The following CAMSAP2 variants were observed in gnomAD, a reference collection of about 807,000 sequenced individuals.
The protein encoded by CAMSAP2 is calmodulin-regulated spectrin-associated protein 2.
CAMSAP2 carries 26 observed loss-of-function variants against 146.1 expected under a neutral mutation model. The observed-to-expected ratio is 0.18, with a 90% CI of 0.13 to 0.25. The LOEUF (loss-of-function observed/expected upper bound fraction) is 0.25. CAMSAP2 is among the 10% of genes least tolerant of loss of function. The pLI, the probability that CAMSAP2 is intolerant of heterozygous loss-of-function variation, is 1.00. For missense variants in CAMSAP2, 1,381 were observed against 1,759.3 expected (o/e 0.78, Z 3.85); for synonymous variants, 499 against 596.6 (o/e 0.84, Z 2.38).
intron 2 of CAMSAP2, among the ~76,000 whole-genome samples, chr1:200,804,894 A>G (rs1054955662): frequency 6.6e-6 from 1 of 152,176 alleles, no homozygotes; most frequent in Non-Finnish European, 1.5e-5. Context: ...TTTGCTTTGC[A>G]ACAAAATGAC....
At chr1:200,836,924 C>T (rs550154484) in intron 6 of CAMSAP2, among the ~76,000 whole-genome samples, 1 of 152,108 alleles carries the variant, frequency 6.6e-6, no homozygotes, top group South Asian at 2.1e-4. Flanking sequence ...TGTCCTTTGC[C>T]CACTTCTTAA....
At chr1:200,790,129 A>G (rs1358600482) in intron 2 of CAMSAP2, among the ~76,000 whole-genome samples, 1 of 152,140 alleles carries the variant, frequency 6.6e-6, no homozygotes, top group East Asian at 1.9e-4. Context: ...AATGTTTCTC[A>G]GGTTTTTTTC....
At position 200,841,538 on chromosome 1, in the gene CAMSAP2, G is replaced by A. The variant is rs185166733; in HGVS notation, c.928-456G>A. ...TGGGGTTACAGGCGTGAGTCACCAC[G>A]CCCGGCCAAATAAAGTATTTTTTTA... On this transcript the variant is annotated intron_variant, in intron 6 of 16. Coordinates refer to ENST00000358823, the MANE Select transcript of CAMSAP2 (RefSeq NM_203459.4). 3.9e-4 allele frequency among the ~76,000 whole-genome samples: 60 copies of A among 152,196 alleles called. No individual in the cohort carries two copies. The East Asian group carries it at 8.9e-3, about 23-fold the overall frequency.
At position 200,856,134 on chromosome 1, in the gene CAMSAP2, CTA is replaced by C. The variant is rs765272320; in HGVS notation, c.4012+12_4012+13del. On this transcript the variant is annotated intron_variant, in intron 15 of 16. Coordinates refer to ENST00000358823, the MANE Select transcript of CAMSAP2 (RefSeq NM_203459.4). ...TGGAACAGAATATACAGGTTAGTGT[CTA>C]TACATTTTTAGAGAAACATTTGAAT... The C allele has an allele frequency of 1.9e-6, 3 of 1,549,286 alleles. No individual in the cohort carries two copies. In the South Asian group the frequency reaches 3.4e-5, roughly 18 times the overall value.
At chr1:200,798,963 A>T (rs1665962475) in intron 2 of CAMSAP2, among the ~76,000 whole-genome samples, 1 of 151,934 alleles carries the variant, frequency 6.6e-6, no homozygotes, top group Non-Finnish European at 1.5e-5. Flanking sequence ...TATATGCTGG[A>T]TTACATTTAT....
chr1:200,843,201 C>T (rs1446232353), intron 7 of CAMSAP2, among the ~76,000 whole-genome samples: 1 of 152,146 alleles, frequency 6.6e-6, no homozygotes, highest in East Asian at 1.9e-4. Flanking sequence ...TTTGTAACTG[C>T]TACCGTTACC....
At chr1:200,841,454 G>T (rs1373499305) in intron 6 of CAMSAP2, among the ~76,000 whole-genome samples, 1 of 152,084 alleles carries the variant, frequency 6.6e-6, no homozygotes, top group Non-Finnish European at 1.5e-5. Context: ...CACCTTGTTG[G>T]CCAGGCTGGT....
chr1:200,777,744 T>C (rs1466503285), intron 2 of CAMSAP2, among the ~76,000 whole-genome samples: 1 of 152,190 alleles, frequency 6.6e-6, no homozygotes, highest in East Asian at 1.9e-4. Flanking sequence ...GTGCATATAT[T>C]CTGTAATATA....
At chr1:200,746,632 T>C (rs1664333992) in intron 1 of CAMSAP2, among the ~76,000 whole-genome samples, 1 of 151,992 alleles carries the variant, frequency 6.6e-6, no homozygotes, top group East Asian at 1.9e-4. Flanking sequence ...TTTTTTTTTT[T>C]TTTTGAGACG....
chr1:200,781,879 GT>G (rs922407370), intron 2 of CAMSAP2, among the ~76,000 whole-genome samples: 1 of 151,844 alleles, frequency 6.6e-6, no homozygotes, highest in Non-Finnish European at 1.5e-5. Flanking sequence ...GATAGTTACT[GT>G]TTTTTTCCTG....
intron 1 of CAMSAP2, among the ~76,000 whole-genome samples, chr1:200,755,681 C>T (rs996877274): frequency 3.9e-5 from 6 of 152,152 alleles, no homozygotes; most frequent in Non-Finnish European, 7.4e-5. Flanking sequence ...GTGTAGGTAC[C>T]GTACAGTCTT....
At chr1:200,754,282 A>G (rs1384215970) in intron 1 of CAMSAP2, among the ~76,000 whole-genome samples, 2 of 152,218 alleles carry the variant, frequency 1.3e-5, no homozygotes, top group East Asian at 1.9e-4. Context: ...GAGATGTTGT[A>G]GTCTCAGTAA....
At chr1:200,742,072 C>A (rs992458033) in intron 1 of CAMSAP2, among the ~76,000 whole-genome samples, 1 of 152,152 alleles carries the variant, frequency 6.6e-6, no homozygotes, top group Admixed American at 6.5e-5. Context: ...CTGCAGCAAC[C>A]CTGTAGATAC....
At position 200,853,562 on chromosome 1, in the gene CAMSAP2, C is replaced by T; in HGVS notation, c.3823+67C>T. 4 of 1,262,302 alleles carry T rather than the reference C, an allele frequency of 3.2e-6. No homozygotes were observed. In the South Asian group the frequency reaches 4.0e-5, roughly 13 times the overall value. 78.2% of individuals were successfully genotyped at this position (1,262,302 alleles called of 1,614,324 possible). A position where few individuals can be genotyped will look rare whatever the true frequency, so the allele number is the denominator to read the frequency against. On this transcript the variant is annotated intron_variant, in intron 13 of 16. Transcript: ENST00000358823. The surrounding 1 kb of genome is among the most constrained non-coding windows in gnomAD (Gnocchi z 5.1). ...CAGCTTGATTGGTTTGTCATACTAA[C>T]TTGGTTGTACTTTGATGTGCAAAAT...
intron 10 of CAMSAP2, 27 bp downstream of exon 10, chr1:200,847,736 TATTCAGATTATTAAGAAATGC>T: frequency 1.3e-6 from 2 of 1,541,674 alleles, no homozygotes; most frequent in Non-Finnish European, 8.9e-7. Context: ...ACTTTTAGTG[TATTCAGATTATTAAGAAATGC>T]AAATTGCATC....
chr1:200,815,647 AT>A lies in CAMSAP2; in HGVS notation c.645+6del. The A allele has an allele frequency of 6.5e-7, 1 of 1,532,942 alleles. No individual in the cohort carries two copies. Among genetic ancestry groups the A allele is most frequent in the Non-Finnish European group, 8.8e-7 (1 of 1,139,404 alleles). The allele number at this position is 1,532,942 out of a possible 1,614,324, so 95.0% of individuals were successfully genotyped here. On this transcript the variant is annotated splice_donor_region_variant and intron_variant, in intron 4 of 16. Coordinates refer to ENST00000358823, the MANE Select transcript of CAMSAP2 (RefSeq NM_203459.4). The stretch of plus-strand genomic sequence containing the variant: ...TTGAAGCTCCAGGAGGTCAAAAGGT[AT>A]TTATTTCAAAAACAAAAAGGTGCCT...
intron 2 of CAMSAP2, among the ~76,000 whole-genome samples, chr1:200,800,999 C>T (rs1666020944): frequency 6.6e-6 from 1 of 152,208 alleles, no homozygotes; most frequent in South Asian, 2.1e-4. Context: ...GACGCAGTGG[C>T]TCACACCTGT....
chr1:200,827,419 A>G (rs1666932111), intron 4 of CAMSAP2, among the ~76,000 whole-genome samples: 1 of 152,230 alleles, frequency 6.6e-6, no homozygotes, highest in South Asian at 2.1e-4. Context: ...ACAAATTGGA[A>G]ACCCTGACAC....
At chr1:200,747,390 A>G (rs571966356) in intron 1 of CAMSAP2, among the ~76,000 whole-genome samples, 4 of 152,352 alleles carry the variant, frequency 2.6e-5, no homozygotes, top group South Asian at 2.1e-4. Context: ...AGGACTCTCA[A>G]AAAGATCCAT....
Sources: gnomAD v4.1 joint callset for allele counts (sites outside exome capture counted in the v4.1 genomes callset) on GRCh38, gnomAD v4.1.1 for gene constraint, Gnocchi (gnomAD v3.1) non-coding constraint, MANE v1.5 for transcripts, NCBI Gene and HGNC (gene_info 2026-07-23, HGNC 2026-07-21) for gene names.